Variants in ADSL observed in about 807,000 individuals in gnomAD.
The protein encoded by ADSL is adenylosuccinase.
Under a neutral mutation model 62.1 loss-of-function variants are expected in ADSL, and 44 were observed. The observed-to-expected ratio is 0.71, with a 90% CI of 0.56 to 0.91. ADSL has a LOEUF of 0.91. ADSL is among the 40% of genes least tolerant of loss of function. The pLI is 0.00. For synonymous variants in ADSL, 198 were observed against 220.5 expected (o/e 0.90, Z 0.90); for missense variants, 531 against 627.4 (o/e 0.85, Z 1.64).
At chr22:40,361,440 T>C (rs748560952) in intron 8 of ADSL, 48 bp from the exon 9 acceptor site, 49 of 1,613,854 alleles carry the variant, frequency 3.0e-5, no homozygotes, top group Middle Eastern at 3.3e-4. Context: ...CTCACTATCC[T>C]CTGAAGTCTC....
intron 7 of ADSL, 64 bp downstream of exon 7, chr22:40,360,556 AC>A: frequency 8.7e-7 from 1 of 1,151,738 alleles, no homozygotes; most frequent in South Asian, 1.2e-5. Context: ...GACTGAATTA[AC>A]CTCAGACTTT....
rs1569103678 is a variant in ADSL at position 40,365,024 on chromosome 22, C to A, written c.1336C>A (p.Pro446Thr). The change falls in exon 12 of 13, where the codon CCT becomes ACT. Residue 446 changes from proline to threonine, a missense_variant. Pro to Thr is a conservative substitution (Grantham distance 38, BLOSUM62 -1). Around this residue, in one of 2 missense-constraint regions of ADSL, gnomAD observed 471 missense variants for 592.9 expected, o/e 0.79. Coordinates refer to ENST00000623063, the MANE Select transcript of ADSL (RefSeq NM_000026.4). ...IHSQLDHLLDPSSFTGRASQQ... is the reference protein window; with the variant it reads ...IHSQLDHLLDTSSFTGRASQQ... ...CTCCCAGTTGGATCATTTACTGGAT[C>A]CTTCTTCTTTCACTGGTCGTGCCTC... is the stretch of plus-strand genomic sequence containing the variant. 1.2e-6 allele frequency: 2 copies of A among 1,613,990 alleles called. No homozygotes were observed. Among genetic ancestry groups the A allele is most frequent in the East Asian group, 4.5e-5 (2 of 44,898 alleles).
intron 2 of ADSL, among the ~76,000 whole-genome samples, chr22:40,377,239 G>A (rs1003709731): frequency 1.3e-5 from 2 of 152,216 alleles, no homozygotes; most frequent in African/African-American, 4.8e-5. Flanking sequence ...GCCAACAGAT[G>A]TTAGGCAAAT....
intron 2 of ADSL, among the ~76,000 whole-genome samples, chr22:40,383,386 G>C (rs920846487): frequency 1.3e-5 from 2 of 151,036 alleles, no homozygotes; most frequent in East Asian, 3.9e-4. Context: ...AGAATGGCGT[G>C]AACCTGGGAG....
chr22:40,370,047 T>C (rs1277696030), downstream of ADSL, among the ~76,000 whole-genome samples: 1 of 151,970 alleles, frequency 6.6e-6, no homozygotes, highest in Non-Finnish European at 1.5e-5. Context: ...ACTCAGAAAA[T>C]TTCGTTTTCC....
downstream of ADSL, chr22:40,370,529 G>T (rs1264794690): frequency 1.3e-5 from 2 of 152,310 alleles, no homozygotes; most frequent in African/African-American, 4.8e-5. Context: ...GACGCGCCCC[G>T]CCTAGTGGGC....
At chr22:40,349,757 T>C in intron 1 of ADSL, 75 bp from the exon 2 acceptor site, 3 of 1,370,342 alleles carry the variant, frequency 2.2e-6, no homozygotes, top group Non-Finnish European at 3.1e-6. Flanking sequence ...TGAATCAGTT[T>C]TTTTTCCTTG....
At chr22:40,365,430 G>A (rs146806225) in intron 12 of ADSL, among the ~76,000 whole-genome samples, 1 of 152,266 alleles carries the variant, frequency 6.6e-6, no homozygotes, top group East Asian at 1.9e-4. Flanking sequence ...ATTGTCAGGT[G>A]GATCTGGGTT....
intron 1 of ADSL, among the ~76,000 whole-genome samples, chr22:40,347,017 C>A (rs2044169247): frequency 6.6e-6 from 1 of 152,222 alleles, no homozygotes; most frequent in Admixed American, 6.5e-5. Context: ...CGCTGCTAAC[C>A]ACAGACACCG....
chr22:40,362,903 G>A, intron 9 of ADSL, 78 bp from the exon 10 acceptor site: 2 of 1,316,208 alleles, frequency 1.5e-6, no homozygotes, highest in South Asian at 1.2e-5. Context: ...AGTCAGTAGG[G>A]CAACTTGTTG....
intron 2 of ADSL, among the ~76,000 whole-genome samples, chr22:40,378,917 C>T (rs2047097820): frequency 6.6e-6 from 1 of 151,956 alleles, no homozygotes; most frequent in Non-Finnish European, 1.5e-5. Flanking sequence ...CTTATATTCC[C>T]GCTTCACCAC....
At chr22:40,352,929 T>C in intron 2 of ADSL, 144 bp from the exon 3 acceptor site, 1 of 691,722 alleles carries the variant, frequency 1.4e-6, no homozygotes, top group Admixed American at 2.1e-5. Flanking sequence ...CTTGTGTTAG[T>C]ATTTTCTGGC....
chr22:40,382,300 A>G (rs1333137934), intron 2 of ADSL, among the ~76,000 whole-genome samples: 2 of 152,178 alleles, frequency 1.3e-5, no homozygotes, highest in African/African-American at 2.4e-5. Flanking sequence ...TAAAGCAACA[A>G]TAATCATTTT....
rs2045056229 is a variant in ADSL, at chr22:40,368,172, A to G, written c.*1650A>G. On this transcript the variant is annotated 3_prime_UTR_variant, in exon 13 of 13. Coordinates refer to ENST00000623063, the MANE Select transcript of ADSL (RefSeq NM_000026.4). Reference sequence around the variant, plus strand: ...AGTGACTTGATTGTGTGTTGCCCCAAGAGACACACTGAGCTCAATACCCAT... The same window carrying G: ...AGTGACTTGATTGTGTGTTGCCCCAGGAGACACACTGAGCTCAATACCCAT... 1 of 152,202 alleles carries G rather than the reference A, an allele frequency of 6.6e-6. No individual in the cohort carries two copies. Among genetic ancestry groups the G allele is most frequent in the African/African-American group, 2.4e-5 (1 of 41,446 alleles). 9.4% of individuals were successfully genotyped at this position (152,202 alleles called of 1,614,324 possible). A position where few individuals can be genotyped will look rare whatever the true frequency, so the allele number is the denominator to read the frequency against.
At chr22:40,364,140 A>G (rs1333691412) in intron 10 of ADSL, 136 bp from the exon 11 acceptor site, 1 of 734,328 alleles carries the variant, frequency 1.4e-6, no homozygotes, top group East Asian at 2.7e-5. Context: ...AACATCATAT[A>G]GAATAAAACA....
intron 1 of ADSL, chr22:40,348,706 TAATC>T: frequency 2.5e-6 from 1 of 397,982 alleles, no homozygotes. Flanking sequence ...ACTTTTTAAT[TAATC>T]AATTTAAATT....
intron 4 of ADSL, among the ~76,000 whole-genome samples, chr22:40,355,922 C>T (rs1424450294): frequency 6.6e-6 from 1 of 151,394 alleles, no homozygotes; most frequent in Non-Finnish European, 1.5e-5. Context: ...TGCAGTGGCT[C>T]ATGCCTGTAA....
In ADSL at chr22:40,346,522, C is replaced by G. The variant is rs372357778; in HGVS notation, c.-37C>G. On this transcript the variant is annotated 5_prime_UTR_variant, in exon 1 of 13. Coordinates refer to ENST00000623063, the MANE Select transcript of ADSL (RefSeq NM_000026.4). ...TCCAGGTTTCCGCTTCCGCTCTTCC[C>G]TGGTCCAGTCCACCCTGGCGGGGTC... is the stretch of plus-strand genomic sequence containing the variant. The G allele has an allele frequency of 1.1e-4, 172 of 1,585,636 alleles. No individual in the cohort carries two copies. The highest frequency in any genetic ancestry group is 1.4e-4 in the Non-Finnish European group (158 of 1,170,294).
downstream of ADSL, chr22:40,372,796 T>G (rs1279365178): frequency 6.6e-6 from 1 of 152,210 alleles, no homozygotes; most frequent in Non-Finnish European, 1.5e-5. Flanking sequence ...AGTTTTTCTC[T>G]TCTTAGTTCT....
Sources: allele counts gnomAD v4.1 joint callset (sites outside exome capture counted in the v4.1 genomes callset), GRCh38; gene constraint gnomAD v4.1.1; regional missense constraint gnomAD v4.1.1; transcripts MANE v1.5; gene names NCBI Gene and HGNC (gene_info 2026-07-23, HGNC 2026-07-21).